Variants in DIS3L2 observed in about 807,000 individuals in gnomAD.
DIS3L2 encodes DIS3-like exonuclease 2.
A neutral mutation model predicts 97.5 loss-of-function variants in DIS3L2; 34 were observed. The observed-to-expected ratio is 0.35, with a 90% confidence interval of 0.27 to 0.46. The LOEUF (loss-of-function observed/expected upper bound fraction) is 0.46, where lower values mean the gene tolerates loss of function less well. Among genes scored for constraint, DIS3L2 ranks in the 20% least tolerant of loss-of-function variants. The pLI is 1.00. For missense variants in DIS3L2, 1,038 were observed against 1,146.0 expected, an observed-to-expected ratio of 0.91 and a Z score of 1.36; for synonymous variants, 435 against 445.2, an observed-to-expected ratio of 0.98 and a Z score of 0.29.
At chr2:232,328,595 G>A (rs1205100757) in intron 14 of DIS3L2, 1 of 152,210 alleles carries the variant, frequency 6.6e-6, no homozygotes, top group Non-Finnish European at 1.5e-5. Context: ...TTGATGGCAG[G>A]GTTCTGGCTG....
chr2:232,106,848 A>C (rs1353892884), intron 6 of DIS3L2, among the ~76,000 whole-genome samples: 1 of 152,246 alleles, frequency 6.6e-6, no homozygotes, highest in East Asian at 1.9e-4. Flanking sequence ...TTGATCACGT[A>C]ATCGGAAGTA....
chr2:232,017,767 G>T (rs909963317), intron 3 of DIS3L2, among the ~76,000 whole-genome samples: 1 of 152,102 alleles, frequency 6.6e-6, no homozygotes, highest in Non-Finnish European at 1.5e-5. Context: ...TGATGTAATG[G>T]TGCTTACCTT....
chr2:231,994,972 C>G (rs1693690742), intron 1 of DIS3L2, among the ~76,000 whole-genome samples: 1 of 151,836 alleles, frequency 6.6e-6, no homozygotes, highest in South Asian at 2.1e-4. Context: ...GCCACCACAT[C>G]TGGCTAACTT....
chr2:232,314,225 G>C (rs1192292471), intron 14 of DIS3L2, among the ~76,000 whole-genome samples: 1 of 152,254 alleles, frequency 6.6e-6, no homozygotes, highest in Non-Finnish European at 1.5e-5. Context: ...TCTGTCGCCT[G>C]TTGTCTGGTG....
chr2:232,343,341 C>T (rs770470476), intron 13 of DIS3L2: 2 of 1,555,658 alleles, frequency 1.3e-6, no homozygotes, highest in Middle Eastern at 3.4e-4. Context: ...GGAAAAGGGC[C>T]CAGCAGAACG....
chr2:232,327,421 C>T (rs1248447712), intron 14 of DIS3L2, among the ~76,000 whole-genome samples: 4 of 152,218 alleles, frequency 2.6e-5, no homozygotes, highest in African/African-American at 4.8e-5. Context: ...GAGGATTGTC[C>T]GACTGCATGG....
At chr2:232,285,585 G>T (rs886921868) in intron 13 of DIS3L2, among the ~76,000 whole-genome samples, 2 of 152,244 alleles carry the variant, frequency 1.3e-5, no homozygotes, top group African/African-American at 4.8e-5. Context: ...CTGTTTGTGG[G>T]AGAAGAAACA....
chr2:232,205,211 CATATATATATAT>C (rs57163508), intron 9 of DIS3L2, among the ~76,000 whole-genome samples: 2 of 140,552 alleles, frequency 1.4e-5, no homozygotes, highest in African/African-American at 2.7e-5. Context: ...AGGCAGTTTA[CATATATATATAT>C]ATATATATAT....
chr2:232,144,561 C>G (rs184607593), intron 8 of DIS3L2, among the ~76,000 whole-genome samples: 1 of 151,904 alleles, frequency 6.6e-6, no homozygotes, highest in Non-Finnish European at 1.5e-5. Flanking sequence ...ATCTTTTAAC[C>G]TATCTTCTCC....
At chr2:232,295,963 A>G (rs1694716367) in intron 13 of DIS3L2, among the ~76,000 whole-genome samples, 1 of 152,214 alleles carries the variant, frequency 6.6e-6, no homozygotes, top group Non-Finnish European at 1.5e-5. Flanking sequence ...CAGCTCTTAA[A>G]TACAGGTGTT....
chr2:232,015,027 T>C, intron 2 of DIS3L2, 48 bp downstream of exon 2: 1 of 1,601,946 alleles, frequency 6.2e-7, no homozygotes, highest in Non-Finnish European at 8.5e-7. Flanking sequence ...AGAACTGAAA[T>C]GAAAGTGGAA....
intron 7 of DIS3L2, among the ~76,000 whole-genome samples, chr2:232,133,650 T>G (rs1316194713): frequency 6.6e-6 from 1 of 152,096 alleles, no homozygotes; most frequent in African/African-American, 2.4e-5. Context: ...AAAACTTTCT[T>G]GAAACCTTGG....
At chr2:232,232,947 A>G (rs73102561) in intron 10 of DIS3L2, among the ~76,000 whole-genome samples, 5,697 of 152,234 alleles carry the variant, frequency 0.037, 152 homozygotes, top group African/African-American at 0.06. Context: ...AGGAGCAGAC[A>G]TGGAGCTTAG....
rs1391715321 is a variant in DIS3L2, at chr2:232,273,684, G to A, written c.1659+10244G>A. 3.3e-5 allele frequency among the ~76,000 whole-genome samples: 5 copies of A among 152,266 alleles called. No homozygotes were observed. In the East Asian group the frequency reaches 7.7e-4, roughly 24 times the overall value. On this transcript the variant is annotated intron_variant, in intron 13 of 20. Coordinates refer to ENST00000325385, the MANE Select transcript of DIS3L2 (RefSeq NM_152383.5). ...GCTTCTGAGGCATCCTGAGCACTTC[G>A]GTGCTCACTTCTCAGACCAACTGTG... is the stretch of plus-strand genomic sequence containing the variant.
chr2:232,082,100 A>G (rs766085831), intron 5 of DIS3L2, among the ~76,000 whole-genome samples: 34 of 152,124 alleles, frequency 2.2e-4, no homozygotes, highest in Non-Finnish European at 4.3e-4. Flanking sequence ...TCACATCCTT[A>G]CTTTTAACCA....
intron 14 of DIS3L2, among the ~76,000 whole-genome samples, chr2:232,318,802 C>T (rs915420483): frequency 6.6e-6 from 1 of 152,200 alleles, no homozygotes; most frequent in South Asian, 2.1e-4. Context: ...GAGCAGAGAG[C>T]CGCCTCACCA....
chr2:232,046,389 A>G (rs749573716), intron 5 of DIS3L2, among the ~76,000 whole-genome samples: 3 of 152,216 alleles, frequency 2.0e-5, no homozygotes, highest in Non-Finnish European at 2.9e-5. Context: ...TTTGCATTTT[A>G]ATGAGATCCC....
At chr2:232,343,635 G>A in exon 14 of DIS3L2, 2 of 1,529,116 alleles carry the variant, frequency 1.3e-6, no homozygotes, top group East Asian at 2.4e-5. Flanking sequence ...AAGTAAACAG[G>A]TAAAGGCTGA....
intron 5 of DIS3L2, among the ~76,000 whole-genome samples, chr2:232,035,107 C>G (rs1694914669): frequency 1.3e-5 from 2 of 152,138 alleles, no homozygotes; most frequent in Non-Finnish European, 2.9e-5. Flanking sequence ...GTGTTAAAGT[C>G]TCCCACTATT....
Sources: gnomAD v4.1 joint callset for allele counts (sites outside exome capture counted in the v4.1 genomes callset) on GRCh38, gnomAD v4.1.1 for gene constraint, MANE v1.5 for transcripts, NCBI Gene and HGNC (gene_info 2026-07-23, HGNC 2026-07-21) for gene names.